The following ALG11 variants were observed in gnomAD, a reference collection of about 807,000 sequenced individuals.
The protein encoded by ALG11 is ALG11 alpha-1,2-mannosyltransferase, also known as GDP-Man:Man(3)GlcNAc(2)-PP-Dol alpha-1,2-mannosyltransferase.
A neutral mutation model predicts 38.8 loss-of-function variants in ALG11; 26 were observed. That is an observed-to-expected ratio of 0.67 (90% CI 0.49 to 0.93). ALG11 has a LOEUF of 0.93. Among genes scored for constraint, ALG11 ranks in the 40% least tolerant of loss-of-function variants. The probability of loss-of-function intolerance (pLI) is 0.00; values close to 1 mark genes in which losing one functional copy is unlikely to be tolerated. For synonymous variants in ALG11, 199 were observed against 211.6 expected, an observed-to-expected ratio of 0.94 and a Z score of 0.52; for missense variants, 535 against 578.8, an observed-to-expected ratio of 0.92 and a Z score of 0.78.
At position 52,031,111 on chromosome 13, in the gene ALG11, G is replaced by A. The variant is rs775421841; in HGVS notation, c.*2521G>A. 3.1e-6 allele frequency: 5 copies of A among 1,600,734 alleles called. No individual in the cohort carries two copies. In the Admixed American group the frequency reaches 5.1e-5, roughly 16 times the overall value. On this transcript the variant is annotated 3_prime_UTR_variant, in exon 4 of 4. Coordinates refer to ENST00000521508, the MANE Select transcript of ALG11 (RefSeq NM_001004127.3). ...ATAAAGAAGAAAAACTGTAGGTTGT[G>A]TAGCTGGAGAAGTGACAGTCAGGGG...
chr13:52,019,765 A>G (rs1593900420), intron 2 of ALG11, among the ~76,000 whole-genome samples: 1 of 151,844 alleles, frequency 6.6e-6, no homozygotes, highest in African/African-American at 2.4e-5. Flanking sequence ...CCATGGCGAA[A>G]CCCTGTCTCT....
chr13:52,029,861 G>A lies in ALG11; in HGVS notation c.*1271G>A. On this transcript the variant is annotated 3_prime_UTR_variant, in exon 4 of 4. Coordinates refer to ENST00000521508, the MANE Select transcript of ALG11 (RefSeq NM_001004127.3). ...AGAGGAGGGAGGCACAGAAGTGGAA[G>A]AACTCCTTGTCCCTCATGTAGCGAA... is the stretch of plus-strand genomic sequence containing the variant. 1 of 1,614,218 alleles carries A rather than the reference G, an allele frequency of 6.2e-7. No homozygotes were observed. Among genetic ancestry groups the A allele is most frequent in the Non-Finnish European group, 8.5e-7 (1 of 1,180,040 alleles).
At position 52,024,166 on chromosome 13, in the gene ALG11, C is replaced by T; in HGVS notation, c.436C>T (p.His146Tyr). 3.7e-6 allele frequency: 6 copies of T among 1,614,090 alleles called. No homozygotes were observed. Among genetic ancestry groups the T allele is most frequent in the Non-Finnish European group, 3.4e-6 (4 of 1,180,010 alleles). The change falls in exon 3 of 4, where the codon CAC (histidine) becomes TAC (tyrosine). Residue 146 changes from histidine (H) to tyrosine (Y), a missense_variant. Transcript: ENST00000521508. ...RYLVEDSLYP[H>Y]FTLLGQSLGS... is the part of the protein sequence containing the mutation. ...TCTTGTGGAAGATTCACTGTATCCT[C>T]ACTTCACACTGCTGGGCCAAAGTCT...
chr13:52,026,934 T>G (rs1218715674), intron 3 of ALG11, among the ~76,000 whole-genome samples: 2 of 152,050 alleles, frequency 1.3e-5, no homozygotes, highest in African/African-American at 4.8e-5. Context: ...AGGCTCTCAG[T>G]ACAAAATGCA....
intron 3 of ALG11, among the ~76,000 whole-genome samples, chr13:52,025,811 C>T (rs535398854): frequency 6.6e-6 from 1 of 152,350 alleles, no homozygotes; most frequent in East Asian, 1.9e-4. Flanking sequence ...ATAAAAGTGA[C>T]ATTTCCTAAA....
At chr13:52,017,887 C>CCAACATACACACCATCT (rs1277160231) in intron 1 of ALG11, among the ~76,000 whole-genome samples, 2 of 152,182 alleles carry the variant, frequency 1.3e-5, no homozygotes, top group African/African-American at 4.8e-5. Flanking sequence ...AACCACCATC[C>CCAACATACACACCATCT]CAACATACAC....
At chr13:52,019,375 C>T (rs1057235170) in intron 2 of ALG11, among the ~76,000 whole-genome samples, 2 of 151,916 alleles carry the variant, frequency 1.3e-5, no homozygotes, top group South Asian at 2.1e-4. Flanking sequence ...GTGCCCGCCA[C>T]CACGTCCGGC....
In ALG11 at chr13:52,024,665, A is replaced by G. The variant is rs1064795802; in HGVS notation, c.935A>G (p.Glu312Gly). 3.7e-6 allele frequency: 6 copies of G among 1,614,126 alleles called. No homozygotes were observed. The highest frequency in any genetic ancestry group is 4.2e-6 in the Non-Finnish European group (5 of 1,179,974). ...GTTTCTGTTGGCCAGTTTAGGCCGG[A>G]AAAGAATCATCCATTGCAGATCAGA... ...LLVSVGQFRP[E>G]KNHPLQIRAF... is the part of the protein sequence containing the mutation. Residue 312 changes from glutamate (E) to glycine (G), a missense_variant, in exon 3 of 4, where the codon GAA (glutamate) becomes GGA (glycine). Transcript: ENST00000521508.
rs368084062 is a variant in ALG11, at chr13:52,029,883, C to T, written c.*1293C>T. Reference sequence around the variant, plus strand: ...GAAGAACTCCTTGTCCCTCATGTAGCGAATGAAGTGCAGATGAATGTGGAC... The same window carrying T: ...GAAGAACTCCTTGTCCCTCATGTAGTGAATGAAGTGCAGATGAATGTGGAC... On this transcript the variant is annotated 3_prime_UTR_variant, in exon 4 of 4. Transcript: ENST00000521508. 4.3e-6 allele frequency: 7 copies of T among 1,614,010 alleles called. No homozygotes were observed. Among genetic ancestry groups the T allele is most frequent in the African/African-American group, 2.7e-5 (2 of 74,904 alleles).
At chr13:52,021,515 C>T (rs367736100) in intron 2 of ALG11, 5 of 152,284 alleles carry the variant, frequency 3.3e-5, no homozygotes, top group African/African-American at 1.2e-4. Flanking sequence ...CCCTGGAGGG[C>T]AAAGGAGAGC....
rs771536317 is a variant in ALG11 at position 52,031,007 on chromosome 13, G to A, written c.*2417G>A. The A allele has an allele frequency of 5.6e-6, 9 of 1,614,164 alleles. No homozygotes were observed. The Admixed American group carries it at 1.5e-4, about 27-fold the overall frequency. On this transcript the variant is annotated 3_prime_UTR_variant, in exon 4 of 4. Coordinates refer to ENST00000521508, the MANE Select transcript of ALG11 (RefSeq NM_001004127.3). Reference sequence around the variant, plus strand: ...TATCATTAAGCCCATAAAAGCAGAGGATGTGGGCTACCAGTCTTCCTCAAG... The same window carrying A: ...TATCATTAAGCCCATAAAAGCAGAGAATGTGGGCTACCAGTCTTCCTCAAG...
Position 52,030,830 on chromosome 13 carries a change from G to T in ALG11, c.*2240G>T. ...TATCAGTGAGAAGCGCAACATCCAC[G>T]CAGCAGCTCATCAGGTACAAGTGCT... On this transcript the variant is annotated 3_prime_UTR_variant, in exon 4 of 4. Transcript: ENST00000521508. The T allele has an allele frequency of 2.5e-6, 4 of 1,614,140 alleles. No individual in the cohort carries two copies. The highest frequency in any genetic ancestry group is 3.4e-6 in the Non-Finnish European group (4 of 1,180,030).
rs1444016944 is a variant in ALG11, at chr13:52,012,449, T to C, written c.31T>C (p.Cys11Arg). 1.2e-6 allele frequency: 2 copies of C among 1,614,130 alleles called. No homozygotes were observed. The highest frequency in any genetic ancestry group is 1.7e-6 in the Non-Finnish European group (2 of 1,180,028). The change falls in exon 1 of 4, where the codon TGC becomes CGC. Residue 11 changes from cysteine to arginine, a missense_variant. By Grantham distance (180) the Cys-to-Arg change is radical. Transcript: ENST00000521508. Reference protein sequence around the residue: MAAGERSWCLCKLLRFFYSLF... With the variant: MAAGERSWCLRKLLRFFYSLF... Reference sequence around the variant, plus strand: ...GGCCGGCGAAAGGAGCTGGTGCCTGTGCAAGTTGTTGAGGTGAGCAGCCGG... The same window carrying C: ...GGCCGGCGAAAGGAGCTGGTGCCTGCGCAAGTTGTTGAGGTGAGCAGCCGG...
Position 52,030,866 on chromosome 13 carries a change from T to C in ALG11, c.*2276T>C. On this transcript the variant is annotated 3_prime_UTR_variant, in exon 4 of 4. Transcript: ENST00000521508. Reference sequence around the variant, plus strand: ...TCAGGTACAAGTGCTTCCATATCCATTTACCCACCATCGGCAATTTGAAAG... The same window carrying C: ...TCAGGTACAAGTGCTTCCATATCCACTTACCCACCATCGGCAATTTGAAAG... The C allele has an allele frequency of 6.2e-7, 1 of 1,614,132 alleles. No individual in the cohort carries two copies. Among genetic ancestry groups the C allele is most frequent in the Non-Finnish European group, 8.5e-7 (1 of 1,180,028 alleles).
At chr13:52,013,249 A>G (rs1157254284) in intron 1 of ALG11, among the ~76,000 whole-genome samples, 2 of 152,160 alleles carry the variant, frequency 1.3e-5, no homozygotes, top group African/African-American at 2.4e-5. Context: ...TACCACCTAC[A>G]TATTTTTGTT....
chr13:52,023,832 T>C (rs1343802598), intron 2 of ALG11, 174 bp from the exon 3 acceptor site: 1 of 385,670 alleles, frequency 2.6e-6, no homozygotes, highest in African/African-American at 2.2e-5. Context: ...TCTCACTCTG[T>C]CACCCAGGCT....
Position 52,018,933 on chromosome 13 carries a change from TC to T in ALG11, c.68del (p.Pro23LeufsTer30). The T allele has an allele frequency of 6.2e-7, 1 of 1,614,116 alleles. No individual in the cohort carries two copies. The highest frequency in any genetic ancestry group is 8.5e-7 in the Non-Finnish European group (1 of 1,179,990). On this transcript the variant is annotated frameshift_variant, in exon 2 of 4. Coordinates refer to ENST00000521508, the MANE Select transcript of ALG11 (RefSeq NM_001004127.3). LOFTEE classifies it high-confidence loss of function. ...KLLRFFYSLF[F>X]PGLIVCGTLC... ...TTCAGGTTTTTTTATTCATTATTCT[TC>T]CCTGGGCTCATTGTATGTGGAACTT...
intron 1 of ALG11, among the ~76,000 whole-genome samples, chr13:52,014,161 C>T (rs1954115443): frequency 6.6e-6 from 1 of 152,090 alleles, no homozygotes; most frequent in African/African-American, 2.4e-5. Flanking sequence ...CCTGAATTTT[C>T]TTCATATACT....
Position 52,030,831 on chromosome 13 carries a change from C to T in ALG11, c.*2241C>T, listed in dbSNP as rs914877495. 2.5e-6 allele frequency: 4 copies of T among 1,614,186 alleles called. No homozygotes were observed. The highest frequency in any genetic ancestry group is 2.7e-5 in the African/African-American group (2 of 75,054). On this transcript the variant is annotated 3_prime_UTR_variant, in exon 4 of 4. Transcript: ENST00000521508. ...ATCAGTGAGAAGCGCAACATCCACG[C>T]AGCAGCTCATCAGGTACAAGTGCTT... is the stretch of plus-strand genomic sequence containing the variant.
Sources: allele counts gnomAD v4.1 joint callset (sites outside exome capture counted in the v4.1 genomes callset), GRCh38; gene constraint gnomAD v4.1.1; transcripts MANE v1.5; gene names NCBI Gene and HGNC (gene_info 2026-07-23, HGNC 2026-07-21).